Variants in GRM1 observed in about 807,000 individuals in gnomAD.
The protein encoded by GRM1 is glutamate metabotropic receptor 1, also known as metabotropic glutamate receptor 1.
Under a neutral mutation model 90.9 loss-of-function variants are expected in GRM1, and 33 were observed. The observed-to-expected ratio is 0.36, with a 90% CI of 0.28 to 0.49. The LOEUF (loss-of-function observed/expected upper bound fraction) is 0.49, where lower values mean the gene tolerates loss of function less well. GRM1 is among the 20% of genes least tolerant of loss of function. The probability of loss-of-function intolerance (pLI) is 0.99; values close to 1 mark genes in which losing one functional copy is unlikely to be tolerated. For synonymous variants in GRM1, 700 were observed against 613.2 expected (o/e 1.14, Z -2.09); for missense variants, 1,190 against 1,534.3 (o/e 0.78, Z 3.75).
intron 3 of GRM1, among the ~76,000 whole-genome samples, chr6:146,327,408 C>T (rs1277494367): frequency 6.6e-6 from 1 of 152,150 alleles, no homozygotes; most frequent in Non-Finnish European, 1.5e-5. Flanking sequence ...GAAACAAATA[C>T]ACCAGTTGTT....
chr6:146,372,392 A>G (rs1412505524), intron 5 of GRM1, among the ~76,000 whole-genome samples: 1 of 151,844 alleles, frequency 6.6e-6, no homozygotes, highest in Non-Finnish European at 1.5e-5. Context: ...GTTTGCAAAT[A>G]TTTTCTTCCA....
chr6:146,071,643 G>A (rs1426640140), intron 1 of GRM1, among the ~76,000 whole-genome samples: 1 of 145,008 alleles, frequency 6.9e-6, no homozygotes, highest in Non-Finnish European at 1.5e-5. Context: ...TTAGCCTGCA[G>A]GAAACTTAAT....
chr6:146,432,103 A>T (rs1264756009), intron 7 of GRM1, among the ~76,000 whole-genome samples: 3 of 152,220 alleles, frequency 2.0e-5, no homozygotes, highest in Non-Finnish European at 4.4e-5. Flanking sequence ...GACAATTTTT[A>T]AAAACTTTAC....
intron 2 of GRM1, among the ~76,000 whole-genome samples, chr6:146,194,596 T>G (rs1378969261): frequency 4.6e-5 from 7 of 152,318 alleles, no homozygotes; most frequent in African/African-American, 1.7e-4. Context: ...CTGCTGAGCT[T>G]CCCAACACAT....
chr6:146,405,722 T>C (rs76539898), intron 7 of GRM1, among the ~76,000 whole-genome samples: 2,755 of 150,524 alleles, frequency 0.018, 87 homozygotes, highest in African/African-American at 0.065. Context: ...TTGTTTGTTT[T>C]TTACATGGGC....
At chr6:146,157,822 G>A (rs956702028) in intron 1 of GRM1, among the ~76,000 whole-genome samples, 1 of 152,136 alleles carries the variant, frequency 6.6e-6, no homozygotes, top group South Asian at 2.1e-4. Flanking sequence ...GTTTATAGAT[G>A]TTGTAGTGGG....
At chr6:146,236,594 C>T (rs1377733220) in intron 2 of GRM1, among the ~76,000 whole-genome samples, 1 of 152,106 alleles carries the variant, frequency 6.6e-6, no homozygotes. Context: ...TTCTTCTTCT[C>T]CCTTCAATAG....
intron 6 of GRM1, among the ~76,000 whole-genome samples, chr6:146,390,681 A>G (rs1246518501): frequency 1.3e-5 from 2 of 151,916 alleles, no homozygotes; most frequent in Non-Finnish European, 2.9e-5. Flanking sequence ...ACTAGTATCT[A>G]CTAATTTATT....
chr6:146,326,488 G>A (rs867550071), intron 3 of GRM1, among the ~76,000 whole-genome samples: 5 of 151,934 alleles, frequency 3.3e-5, no homozygotes, highest in African/African-American at 4.8e-5. Flanking sequence ...TAACTAATGG[G>A]CACTAGGCTT....
intron 2 of GRM1, among the ~76,000 whole-genome samples, chr6:146,167,785 A>C (rs1777962651): frequency 6.6e-6 from 1 of 152,098 alleles, no homozygotes; most frequent in African/African-American, 2.4e-5. Context: ...TTCTGGACAC[A>C]AGTGATTTAT....
intron 7 of GRM1, among the ~76,000 whole-genome samples, chr6:146,407,678 T>C (rs1247688819): frequency 6.6e-6 from 1 of 152,208 alleles, no homozygotes; most frequent in Non-Finnish European, 1.5e-5. Flanking sequence ...ATCTGAGGCT[T>C]GGAAAGCTCA....
At chr6:146,256,996 G>C (rs748334725) in intron 2 of GRM1, among the ~76,000 whole-genome samples, 2 of 152,016 alleles carry the variant, frequency 1.3e-5, no homozygotes, top group African/African-American at 2.4e-5. Flanking sequence ...TAAGTTTTCT[G>C]CCTCTGTGTT....
chr6:146,417,022 T>G (rs1391443487), intron 7 of GRM1, among the ~76,000 whole-genome samples: 1 of 152,202 alleles, frequency 6.6e-6, no homozygotes, highest in African/African-American at 2.4e-5. Context: ...TCTAGCTGCC[T>G]TGGAGCACTT....
chr6:146,335,353 T>C (rs1223608866), intron 3 of GRM1, among the ~76,000 whole-genome samples: 1 of 152,184 alleles, frequency 6.6e-6, no homozygotes. Flanking sequence ...TGTACCCATT[T>C]ATAAATAGGG....
intron 2 of GRM1, among the ~76,000 whole-genome samples, chr6:146,161,623 C>G (rs993050634): frequency 6.6e-6 from 1 of 152,126 alleles, no homozygotes; most frequent in Admixed American, 6.6e-5. Context: ...CTTCTGAGGA[C>G]ACTGCTTTCT....
intron 1 of GRM1, among the ~76,000 whole-genome samples, chr6:146,125,529 C>A (rs569321444): frequency 6.6e-6 from 1 of 151,536 alleles, no homozygotes; most frequent in South Asian, 2.1e-4. Flanking sequence ...ACTTTCCTCC[C>A]ATTATTTTTT....
intron 1 of GRM1, among the ~76,000 whole-genome samples, chr6:146,133,942 C>T (rs1369045233): frequency 6.6e-6 from 1 of 152,232 alleles, no homozygotes; most frequent in Non-Finnish European, 1.5e-5. Flanking sequence ...CCCCTGCCAT[C>T]ATTTTCGATA....
chr6:146,299,025 C>T (rs919824270), intron 2 of GRM1, among the ~76,000 whole-genome samples: 2 of 152,108 alleles, frequency 1.3e-5, no homozygotes, highest in Admixed American at 6.6e-5. Flanking sequence ...GCTGCTTGTT[C>T]CTGTCTTAGG....
chr6:146,377,133 C>T (rs563355533), intron 5 of GRM1, among the ~76,000 whole-genome samples: 5 of 152,080 alleles, frequency 3.3e-5, no homozygotes, highest in African/African-American at 7.2e-5. Flanking sequence ...GTCTTGGGTA[C>T]GTCTTTATTA....
Sources: gnomAD v4.1 joint callset for allele counts (sites outside exome capture counted in the v4.1 genomes callset) on GRCh38, gnomAD v4.1.1 for gene constraint, MANE v1.5 for transcripts, NCBI Gene and HGNC (gene_info 2026-07-23, HGNC 2026-07-21) for gene names.